Variants in SCLT1 observed in about 807,000 individuals in gnomAD.
The protein encoded by SCLT1 is sodium channel and clathrin linker 1.
Under a neutral mutation model 112.8 loss-of-function variants are expected in SCLT1, and 78 were observed. The observed-to-expected ratio is 0.69, with a 90% CI of 0.58 to 0.83. The LOEUF is 0.83. Among genes scored for constraint, SCLT1 ranks in the 40% least tolerant of loss-of-function variants. SCLT1 has a pLI of 0.00. For synonymous variants in SCLT1, 257 were observed against 254.7 expected (o/e 1.01, Z -0.09); for missense variants, 747 against 770.4 (o/e 0.97, Z 0.36).
rs1357356905 is a variant in SCLT1 at position 129,079,794 on chromosome 4, T to C, written c.102+2512A>G. On this transcript the variant is annotated intron_variant, in intron 2 of 20. Coordinates refer to ENST00000281142, the MANE Select transcript of SCLT1 (RefSeq NM_144643.4). The stretch of plus-strand genomic sequence containing the variant: ...CTCTTTGCACTGCCCTAGCAGAGGT[T>C]CTCCATGAGGGCTGCGCCCCTGCAG... Among the ~76,000 whole-genome samples the C allele has an allele frequency of 2.0e-5, 3 of 152,222 alleles. No homozygotes were observed. In the East Asian group the frequency reaches 5.8e-4, roughly 29 times the overall value.
At chr4:128,935,669 C>A (rs1289501380) in intron 18 of SCLT1, among the ~76,000 whole-genome samples, 1 of 151,916 alleles carries the variant, frequency 6.6e-6, no homozygotes, top group Non-Finnish European at 1.5e-5. Flanking sequence ...TTGCTTATTC[C>A]TTTTCTGAAT....
At chr4:129,067,446 A>C (rs1337065645) in intron 2 of SCLT1, among the ~76,000 whole-genome samples, 1 of 151,830 alleles carries the variant, frequency 6.6e-6, no homozygotes, top group Non-Finnish European at 1.5e-5. Context: ...CTAGTAGCCT[A>C]CATAATTTCA....
rs150753670 is a variant in SCLT1, at chr4:128,873,817, A to G, written n.408-574T>C. 6.3e-3 allele frequency: 969 copies of G among 152,748 alleles called. 3 individuals are homozygous for G. The highest frequency in any genetic ancestry group is 0.011 in the Non-Finnish European group (754 of 68,042). The allele number at this position is 152,748 out of a possible 1,614,324, so 9.5% of individuals were successfully genotyped here. A position where few individuals can be genotyped will look rare whatever the true frequency, so the allele number is the denominator to read the frequency against. On this transcript the variant is annotated intron_variant and non_coding_transcript_variant, in intron 5 of 7. Coordinates refer to the SCLT1 transcript ENST00000503565. ...ATGATACTTAATGAATAATGCTTTG[A>G]GGAGTTCTGCAGTTAACTTTCAAGT...
intron 2 of SCLT1, among the ~76,000 whole-genome samples, chr4:129,047,770 G>A (rs1748325906): frequency 6.6e-6 from 1 of 151,902 alleles, no homozygotes; most frequent in Admixed American, 6.6e-5. Context: ...ATACTTCTTG[G>A]CCAGTTGTAT....
At chr4:129,057,409 CTTTTT>C (rs35098310) in intron 2 of SCLT1, among the ~76,000 whole-genome samples, 2 of 132,598 alleles carry the variant, frequency 1.5e-5, no homozygotes, top group Non-Finnish European at 1.6e-5. Context: ...TAATATTATT[CTTTTT>C]TTTTTTTTTT....
chr4:129,065,617 G>A (rs974136626), intron 2 of SCLT1, among the ~76,000 whole-genome samples: 10 of 122,436 alleles, frequency 8.2e-5, no homozygotes, highest in African/African-American at 1.4e-4. Context: ...AACACATAGC[G>A]TGTGGGATTT....
intron 5 of SCLT1, among the ~76,000 whole-genome samples, chr4:129,006,824 C>T (rs1391347201): frequency 6.6e-6 from 1 of 152,148 alleles, no homozygotes; most frequent in Non-Finnish European, 1.5e-5. Flanking sequence ...TGTTCTTTTT[C>T]TAACCTCTTC....
At chr4:128,944,858 A>G (rs755302884) in intron 16 of SCLT1, 2 of 152,188 alleles carry the variant, frequency 1.3e-5, no homozygotes, top group African/African-American at 2.4e-5. Context: ...GGGAGCCTTT[A>G]GTCATTTCTC....
chr4:128,999,558 G>T, intron 7 of SCLT1, 114 bp downstream of exon 7: 1 of 594,988 alleles, frequency 1.7e-6, no homozygotes. Context: ...ATAATAAAGT[G>T]ATTAGAAATT....
At chr4:128,896,888 A>T (rs1429612529) in intron 18 of SCLT1, among the ~76,000 whole-genome samples, 4 of 152,244 alleles carry the variant, frequency 2.6e-5, no homozygotes, top group African/African-American at 9.6e-5. Flanking sequence ...CACAAGCCTC[A>T]GTAGCCGATT....
At chr4:129,072,990 G>A (rs2125757206) in intron 2 of SCLT1, among the ~76,000 whole-genome samples, 1 of 152,128 alleles carries the variant, frequency 6.6e-6, no homozygotes, top group Non-Finnish European at 1.5e-5. Flanking sequence ...TGTCCCTTGG[G>A]GTGTTCCCTT....
At chr4:129,077,515 A>G (rs1561058451) in intron 2 of SCLT1, among the ~76,000 whole-genome samples, 1 of 152,200 alleles carries the variant, frequency 6.6e-6, no homozygotes, top group Non-Finnish European at 1.5e-5. Flanking sequence ...ATGTTGGAAG[A>G]TAAGTGGGTA....
Position 128,970,423 on chromosome 4 carries a change from C to T in SCLT1, c.732G>A (p.Glu244=). The T allele has an allele frequency of 6.2e-7, 1 of 1,610,204 alleles. No homozygotes were observed. Among genetic ancestry groups the T allele is most frequent in the Middle Eastern group, 1.7e-4 (1 of 6,044 alleles). The change falls in exon 10 of 21, where the codon GAG becomes GAA. Residue 244 remains glutamate, a synonymous_variant. Coordinates refer to ENST00000281142, the MANE Select transcript of SCLT1 (RefSeq NM_144643.4). ...ELRVAVAKVE[E]LTNVTEDLQG... ...GCAGATCTTCAGTCACATTAGTTAA[C>T]TCTTCCACTTTTGCTACAGCAACTC... is the stretch of plus-strand genomic sequence containing the variant.
chr4:129,040,105 C>G (rs1039653138), intron 4 of SCLT1: 5 of 689,008 alleles, frequency 7.3e-6, no homozygotes, highest in African/African-American at 5.3e-5. Flanking sequence ...CTTTTTCTCT[C>G]TCTTTCAACC....
chr4:128,989,554 A>G (rs1742381087), intron 9 of SCLT1, among the ~76,000 whole-genome samples: 1 of 151,900 alleles, frequency 6.6e-6, no homozygotes, highest in African/African-American at 2.4e-5. Context: ...CTAAGGATAT[A>G]TCTTAAAGAA....
Position 128,959,664 on chromosome 4 carries a change from T to G in SCLT1, c.983A>C (p.Glu328Ala). Reference sequence around the variant, plus strand: ...GCTATTTCTGGCTCTTACAATAGCCTCATATCTCTCATTTTCTAATTCATT... The same window carrying G: ...GCTATTTCTGGCTCTTACAATAGCCGCATATCTCTCATTTTCTAATTCATT... ...KCNELENERY[E>A]AIVRARNSMQ... Residue 328 changes from glutamate to alanine, a missense_variant, in exon 12 of 21, where the codon GAG (glutamate) becomes GCG (alanine). Glu to Ala is a moderately radical substitution (Grantham distance 107). This residue lies in a region of SCLT1 where 723 missense variants were observed against 721.3 expected (regional missense o/e 1.00). Transcript: ENST00000281142. The G allele has an allele frequency of 6.2e-7, 1 of 1,613,360 alleles. No individual in the cohort carries two copies. The highest frequency in any genetic ancestry group is 8.5e-7 in the Non-Finnish European group (1 of 1,179,484).
At chr4:129,012,369 G>A (rs1405460994) in intron 5 of SCLT1, among the ~76,000 whole-genome samples, 2 of 151,988 alleles carry the variant, frequency 1.3e-5, no homozygotes, top group Non-Finnish European at 2.9e-5. Context: ...CTTCTAATTT[G>A]TGCTGTGGTT....
intron 11 of SCLT1, among the ~76,000 whole-genome samples, chr4:128,964,459 C>T (rs1352249346): frequency 6.6e-6 from 1 of 152,162 alleles, no homozygotes; most frequent in East Asian, 1.9e-4. Context: ...GAGCAGGATG[C>T]ACTAGCACCT....
intron 16 of SCLT1, among the ~76,000 whole-genome samples, chr4:128,945,751 AAT>A: frequency 6.6e-6 from 1 of 152,298 alleles, no homozygotes; most frequent in South Asian, 2.1e-4. Context: ...CAAAGACAAC[AAT>A]ATTATAAACA....
Sources: allele counts gnomAD v4.1 joint callset (sites outside exome capture counted in the v4.1 genomes callset), GRCh38; gene constraint gnomAD v4.1.1; regional missense constraint gnomAD v4.1.1; transcripts MANE v1.5; gene names NCBI Gene and HGNC (gene_info 2026-07-23, HGNC 2026-07-21).